The following ELOB variants were observed in gnomAD, a reference collection of about 807,000 sequenced individuals.
ELOB encodes the protein elongin-B.
In ELOB, 3 loss-of-function variants were observed where a neutral mutation model predicts 12.9. The observed-to-expected ratio is 0.23, with a 90% CI of 0.11 to 0.60. The LOEUF is 0.60. ELOB is among the 20% of genes least tolerant of loss of function. The pLI is 0.89. For missense variants in ELOB, 126 were observed against 159.2 expected (o/e 0.79, Z 1.12); for synonymous variants, 84 against 67.4 (o/e 1.25, Z -1.21).
chr16:2,775,752 TG>T (rs894736424), intron 2 of ELOB, 196 bp from the exon 3 acceptor site: 2 of 470,026 alleles, frequency 4.3e-6, no homozygotes, highest in African/African-American at 4.0e-5. Context: ...CCTCCCAGGG[TG>T]GGACTTTAGA....
At position 2,771,648 on chromosome 16, in the gene ELOB, G is replaced by A. The variant is rs751268116; in HGVS notation, c.*342C>T. ...CTTAGAAGGAGAAAGGCCTAAAACT[G>A]GAATCTCTTGTCCCTGAGGCTGGCT... is the stretch of plus-strand genomic sequence containing the variant. On this transcript the variant is annotated 3_prime_UTR_variant, in exon 4 of 4. Transcript: ENST00000409906. 1.2e-6 allele frequency: 2 copies of A among 1,612,278 alleles called. No homozygotes were observed. Among genetic ancestry groups the A allele is most frequent in the South Asian group, 1.1e-5 (1 of 90,948 alleles).
At position 2,777,013 on chromosome 16, in the gene ELOB, C is replaced by T. The variant is rs1428713819; in HGVS notation, c.118G>A (p.Asp40Asn). ...CCCACCTTGTACAGCCGCTGCTCGT[C>T]AGGAGGCCGCTTGAGGATGCCCTCG... ...IVEGILKRPP[D>N]EQRLYKDDQL... Residue 40 changes from aspartate to asparagine, a missense_variant, in exon 2 of 4, where the codon GAC (aspartate) becomes AAC (asparagine). By Grantham distance (23) the Asp-to-Asn change is conservative. Coordinates refer to ENST00000409906, the MANE Select transcript of ELOB (RefSeq NM_007108.4). 6.3e-7 allele frequency: 1 copy of T among 1,596,260 alleles called. No homozygotes were observed. Among genetic ancestry groups the T allele is most frequent in the Non-Finnish European group, 8.5e-7 (1 of 1,173,284 alleles).
chr16:2,776,889 G>C (rs2068804277), intron 2 of ELOB, 104 bp downstream of exon 2: 1 of 1,397,582 alleles, frequency 7.2e-7, no homozygotes, highest in Non-Finnish European at 9.4e-7. Context: ...TCGGGCGCCC[G>C]CAGGCGTCGC....
chr16:2,776,881 G>A, intron 2 of ELOB, 112 bp downstream of exon 2: 1 of 1,385,864 alleles, frequency 7.2e-7, no homozygotes, highest in Non-Finnish European at 9.5e-7. Flanking sequence ...CCCGCGGCTC[G>A]GGCGCCCGCA....
rs964157205 is a variant in ELOB at position 2,771,769 on chromosome 16, A to T, written c.*221T>A. The T allele has an allele frequency of 6.8e-7, 1 of 1,474,398 alleles. No homozygotes were observed. The highest frequency in any genetic ancestry group is 2.4e-5 in the East Asian group (1 of 41,610). 91.3% of individuals were successfully genotyped at this position (1,474,398 alleles called of 1,614,324 possible). A position where few individuals can be genotyped will look rare whatever the true frequency, so the allele number is the denominator to read the frequency against. On this transcript the variant is annotated 3_prime_UTR_variant, in exon 4 of 4. Coordinates refer to ENST00000409906, the MANE Select transcript of ELOB (RefSeq NM_007108.4). ...TAACAATGGCTTGGGTCTCAGGGCAACCCAGGTCCCCATGGTGCCTTTAAG... is the reference window on the plus strand; with the variant it reads ...TAACAATGGCTTGGGTCTCAGGGCATCCCAGGTCCCCATGGTGCCTTTAAG...
At chr16:2,775,666 G>T in intron 2 of ELOB, 110 bp from the exon 3 acceptor site, 1 of 754,200 alleles carries the variant, frequency 1.3e-6, no homozygotes, top group Non-Finnish European at 2.1e-6. Context: ...AGTTCCCTCA[G>T]TGTGGCCCAG....
rs757623980 is a variant in ELOB, at chr16:2,771,659, T to G, written c.*331A>C. Reference sequence around the variant, plus strand: ...AAAGGCCTAAAACTGGAATCTCTTGTCCCTGAGGCTGGCTCTGGTCTTTGT... The same window carrying G: ...AAAGGCCTAAAACTGGAATCTCTTGGCCCTGAGGCTGGCTCTGGTCTTTGT... On this transcript the variant is annotated 3_prime_UTR_variant, in exon 4 of 4. Transcript: ENST00000409906. The G allele has an allele frequency of 9.9e-5, 160 of 1,610,534 alleles. No individual in the cohort carries two copies. The highest frequency in any genetic ancestry group is 1.3e-4 in the Non-Finnish European group (154 of 1,178,570).
chr16:2,771,415 G>C lies in ELOB; in HGVS notation c.*575C>G, dbSNP rs76875659. The C allele has an allele frequency of 1.5e-3, 2,475 of 1,612,198 alleles. 85 individuals carry two copies. In the East Asian group the frequency reaches 0.052, roughly 34 times the overall value. ...AATAAAAATGAGAAATGCAGGAACTGGGTCTGTAGACTGTTTATTAAAGGT... is the reference window on the plus strand; with the variant it reads ...AATAAAAATGAGAAATGCAGGAACTCGGTCTGTAGACTGTTTATTAAAGGT... On this transcript the variant is annotated 3_prime_UTR_variant, in exon 4 of 4. Transcript: ENST00000409906.
intron 2 of ELOB, among the ~76,000 whole-genome samples, chr16:2,776,157 G>A (rs1239118506): frequency 2.0e-5 from 3 of 152,340 alleles, no homozygotes; most frequent in South Asian, 2.1e-4. Flanking sequence ...GAGCTAGGAA[G>A]AAACATAAAG....
Position 2,771,938 on chromosome 16 carries a change from AG to A in ELOB, c.*51del. Reference sequence around the variant, plus strand: ...GGGGCGGGAAAAAGAGGCAGCAACCAGGCAGACTCCCAAATCTCTTTTATTG... The same window carrying A: ...GGGGCGGGAAAAAGAGGCAGCAACCAGCAGACTCCCAAATCTCTTTTATTG... On this transcript the variant is annotated 3_prime_UTR_variant, in exon 4 of 4. Coordinates refer to ENST00000409906, the MANE Select transcript of ELOB (RefSeq NM_007108.4). The A allele has an allele frequency of 6.3e-7, 1 of 1,579,510 alleles. No homozygotes were observed. The highest frequency in any genetic ancestry group is 8.6e-7 in the Non-Finnish European group (1 of 1,163,544).
At position 2,771,692 on chromosome 16, in the gene ELOB, C is replaced by T; in HGVS notation, c.*298G>A. The stretch of plus-strand genomic sequence containing the variant: ...GCTGGCTCTGGTCTTTGTGTCTCTC[C>T]CAGTCCTTCCCTTTCCTCCCCCTGG... On this transcript the variant is annotated 3_prime_UTR_variant, in exon 4 of 4. Coordinates refer to ENST00000409906, the MANE Select transcript of ELOB (RefSeq NM_007108.4). 6.3e-7 allele frequency: 1 copy of T among 1,585,624 alleles called. No homozygotes were observed. The highest frequency in any genetic ancestry group is 8.6e-7 in the Non-Finnish European group (1 of 1,166,462).
chr16:2,776,637 A>T (rs1255360814), intron 2 of ELOB, among the ~76,000 whole-genome samples: 2 of 152,164 alleles, frequency 1.3e-5, no homozygotes, highest in Admixed American at 1.3e-4. Context: ...AAGGGTGGGG[A>T]TTAAGGGGTC....
intron 3 of ELOB, among the ~76,000 whole-genome samples, chr16:2,774,220 ACT>A (rs1216552119): frequency 1.3e-5 from 2 of 151,984 alleles, no homozygotes; most frequent in Admixed American, 6.5e-5. Context: ...ACGGAGTGCG[ACT>A]CTGTCTCAGA....
rs778507762 is a variant in ELOB at position 2,771,593 on chromosome 16, T to G, written c.*397A>C. On this transcript the variant is annotated 3_prime_UTR_variant, in exon 4 of 4. Transcript: ENST00000409906. ...TCTGCTCTTGGCCATCGTCTGGGAG[T>G]GGACATGCAGGCTATGGGGGTGGGG... 2 of 1,613,456 alleles carry G rather than the reference T, an allele frequency of 1.2e-6. No homozygotes were observed. The highest frequency in any genetic ancestry group is 1.7e-6 in the Non-Finnish European group (2 of 1,179,932).
chr16:2,777,228 C>T lies in ELOB; in HGVS notation c.3+9G>A. 9.8e-7 allele frequency: 1 copy of T among 1,017,192 alleles called. No individual in the cohort carries two copies. The highest frequency in any genetic ancestry group is 1.0e-4 in the East Asian group (1 of 9,820). The allele number at this position is 1,017,192 out of a possible 1,614,324, so 63.0% of individuals were successfully genotyped here. ...CCGGCCCGGCCGCCCCTCCCCCACGCCCGCTCACCATCGCGGCTGCTGCCT... is the reference window on the plus strand; with the variant it reads ...CCGGCCCGGCCGCCCCTCCCCCACGTCCGCTCACCATCGCGGCTGCTGCCT... On this transcript the variant is annotated intron_variant, in intron 1 of 3. Transcript: ENST00000409906.
Position 2,771,494 on chromosome 16 carries a change from ACCTGTGTGG to A in ELOB, c.*487_*495del. 1 of 1,614,122 alleles carries A rather than the reference ACCTGTGTGG, an allele frequency of 6.2e-7. No individual in the cohort carries two copies. The highest frequency in any genetic ancestry group is 1.1e-5 in the South Asian group (1 of 91,082). ...TGATTACAGCCCCCAGCGTGGGTGG[ACCTGTGTGG>A]GTCCGTCTTGGGGTTCCCTCGTTGA... On this transcript the variant is annotated 3_prime_UTR_variant, in exon 4 of 4. Coordinates refer to ENST00000409906, the MANE Select transcript of ELOB (RefSeq NM_007108.4).
chr16:2,772,605 G>C (rs568351883), intron 3 of ELOB: 1 of 151,580 alleles, frequency 6.6e-6, no homozygotes, highest in Admixed American at 6.6e-5. Context: ...AGCTTCTCGG[G>C]AGGCTGAGGC....
At chr16:2,774,327 G>A (rs1399150078) in intron 3 of ELOB, among the ~76,000 whole-genome samples, 2 of 152,236 alleles carry the variant, frequency 1.3e-5, no homozygotes, top group African/African-American at 2.4e-5. Context: ...TGGGCAGAAA[G>A]AGCCCACAGA....
chr16:2,776,874 G>C (rs2068804171), intron 2 of ELOB, 119 bp downstream of exon 2: 5 of 1,365,896 alleles, frequency 3.7e-6, no homozygotes, highest in Non-Finnish European at 3.9e-6. Flanking sequence ...TCCCAGTCCC[G>C]CGGCTCGGGC....
Sources: allele counts gnomAD v4.1 joint callset (sites outside exome capture counted in the v4.1 genomes callset), GRCh38; gene constraint gnomAD v4.1.1; transcripts MANE v1.5; gene names NCBI Gene and HGNC (gene_info 2026-07-23, HGNC 2026-07-21).